CAST: variants seen among roughly 807,000 people sequenced by gnomAD.
The protein encoded by CAST is calpastatin.
CAST carries 76 observed loss-of-function variants against 119.6 expected under a neutral mutation model. The ratio of observed to expected loss-of-function variants is 0.64; its 90% CI spans 0.53 to 0.77. The LOEUF (loss-of-function observed/expected upper bound fraction) is 0.77, where lower values mean the gene tolerates loss of function less well. Ranked by LOEUF, CAST falls within the 30% of genes least tolerant of loss-of-function variation. The pLI is 0.00. For synonymous variants in CAST, 319 were observed against 331.6 expected, an observed-to-expected ratio of 0.96 and a Z score of 0.41; for missense variants, 953 against 946.5, an observed-to-expected ratio of 1.01 and a Z score of -0.09.
At chr5:96,000,619 T>G in the CAST span, among the ~76,000 whole-genome samples, 1 of 152,156 alleles carries the variant, frequency 6.6e-6, no homozygotes, top group South Asian at 2.1e-4. Flanking sequence ...AACACAGGGA[T>G]GTACCAATTC....
chr5:95,990,890 C>T, the CAST span, among the ~76,000 whole-genome samples: 21 of 152,048 alleles, frequency 1.4e-4, no homozygotes, highest in African/African-American at 4.8e-4. Context: ...AGGTGTGAGC[C>T]ACCACACCGA....
chr5:96,108,621 C>A, the CAST span, among the ~76,000 whole-genome samples: 1 of 151,920 alleles, frequency 6.6e-6, no homozygotes, highest in Non-Finnish European at 1.5e-5. Context: ...CCACTGCTCT[C>A]TTCAAAGCTG....
chr5:96,346,085 G>C, the CAST span, among the ~76,000 whole-genome samples: 1 of 152,148 alleles, frequency 6.6e-6, no homozygotes, highest in Admixed American at 6.6e-5. Flanking sequence ...GTTTGCATTT[G>C]GGTGGTGCCA....
At chr5:96,011,044 T>C in the CAST span, among the ~76,000 whole-genome samples, 3 of 152,320 alleles carry the variant, frequency 2.0e-5, no homozygotes. Context: ...ATATTGTCAA[T>C]GAAGAGAGAT....
chr5:96,175,440 A>G, the CAST span, among the ~76,000 whole-genome samples: 2 of 152,254 alleles, frequency 1.3e-5, no homozygotes, highest in Non-Finnish European at 2.9e-5. Context: ...AAAGAACTAA[A>G]TAAGACAAAC....
At chr5:96,643,061 G>T (rs1186677921) in intron 1 of CAST, among the ~76,000 whole-genome samples, 1 of 152,098 alleles carries the variant, frequency 6.6e-6, no homozygotes, top group African/African-American at 2.4e-5. Context: ...GCCTCTCTGG[G>T]CTGTGCTCTT....
At chr5:96,486,470 T>G in the CAST span, among the ~76,000 whole-genome samples, 1,843 of 152,274 alleles carry the variant, frequency 0.012, 47 homozygotes, top group African/African-American at 0.043. Flanking sequence ...ATTGTCTACC[T>G]TAATGAGCAG....
the CAST span, among the ~76,000 whole-genome samples, chr5:96,368,036 A>G: frequency 6.6e-6 from 1 of 152,124 alleles, no homozygotes; most frequent in Admixed American, 6.5e-5. Flanking sequence ...ATTTGATTAT[A>G]TAAGTATCCA....
At chr5:96,489,249 G>A in the CAST span, among the ~76,000 whole-genome samples, 12 of 152,250 alleles carry the variant, frequency 7.9e-5, no homozygotes, top group African/African-American at 2.9e-4. Flanking sequence ...AATTATTTCT[G>A]TTCTGCTTTT....
the CAST span, among the ~76,000 whole-genome samples, chr5:96,106,201 A>AT: frequency 6.6e-6 from 1 of 151,274 alleles, no homozygotes; most frequent in Admixed American, 6.6e-5. Context: ...GGATTCATTA[A>AT]TTTTTTGTGT....
intron 1 of CAST, among the ~76,000 whole-genome samples, chr5:96,588,858 G>A (rs926189953): frequency 1.3e-5 from 2 of 152,102 alleles, no homozygotes; most frequent in African/African-American, 4.8e-5. Context: ...TATAGAAAAA[G>A]CTCCACCTAC....
At chr5:96,433,217 C>T in the CAST span, 1 of 657,680 alleles carries the variant, frequency 1.5e-6, no homozygotes, top group African/African-American at 1.8e-5. Context: ...GCGGCGAGCG[C>T]TCAGTGAAGC....
intron 2 of CAST, 136 bp downstream of exon 2, chr5:96,675,737 G>A: frequency 1.1e-5 from 7 of 615,042 alleles, no homozygotes; most frequent in South Asian, 5.1e-5. Flanking sequence ...ACCAAGATTT[G>A]GTTCAAGAAT....
rs533689852 is a variant in CAST at position 96,676,746 on chromosome 5, T to TC, written c.138+1148dup. ...AAAAAAAACCACAAATTTTTCTTTT[T>TC]CCCAACATGAAAGTCTACCTAGTGT... On this transcript the variant is annotated intron_variant, in intron 2 of 31. Transcript: ENST00000675179. 2.7e-3 allele frequency among the ~76,000 whole-genome samples: 411 copies of TC among 152,050 alleles called. 1 individual carries two copies. Among genetic ancestry groups the TC allele is most frequent in the African/African-American group, 9.5e-3 (393 of 41,492 alleles).
chr5:96,644,781 C>G lies in CAST; in HGVS notation c.61-30758C>G, dbSNP rs556635538. Among the ~76,000 whole-genome samples, 3 of 152,296 alleles carry G rather than the reference C, an allele frequency of 2.0e-5. No homozygotes were observed. In the East Asian group the frequency reaches 5.8e-4, roughly 29 times the overall value. ...TTTGAGGTCAGGAGTTTGAGACCAGCCTGGCCAACATGGTGAAACCCCGTG... is the reference window on the plus strand; with the variant it reads ...TTTGAGGTCAGGAGTTTGAGACCAGGCTGGCCAACATGGTGAAACCCCGTG... On this transcript the variant is annotated intron_variant, in intron 1 of 11. Coordinates refer to the CAST transcript ENST00000505143.
the CAST span, among the ~76,000 whole-genome samples, chr5:96,380,866 G>A: frequency 1.3e-5 from 2 of 152,142 alleles, no homozygotes; most frequent in African/African-American, 4.8e-5. Flanking sequence ...AAAATTACGC[G>A]TGGGTAAAAA....
chr5:96,503,654 C>A, the CAST span, among the ~76,000 whole-genome samples: 1 of 152,146 alleles, frequency 6.6e-6, no homozygotes, highest in Admixed American at 6.5e-5. Flanking sequence ...GTTCAGAAAC[C>A]ATCCGCTTAA....
At chr5:96,328,423 C>G in the CAST span, among the ~76,000 whole-genome samples, 1 of 132,832 alleles carries the variant, frequency 7.5e-6, no homozygotes, top group Non-Finnish European at 1.6e-5. Context: ...CTCTCTCTCT[C>G]TCTCTCTCCT....
At chr5:96,741,461 TGTAA>T (rs745821148) in intron 14 of CAST, 29 bp from the exon 15 acceptor site, 1 of 1,551,084 alleles carries the variant, frequency 6.4e-7, no homozygotes, top group South Asian at 1.1e-5. Flanking sequence ...TTTCCTCATC[TGTAA>T]GTCTAATCTT....
Sources: allele counts gnomAD v4.1 joint callset (sites outside exome capture counted in the v4.1 genomes callset), GRCh38; gene constraint gnomAD v4.1.1; transcripts MANE v1.5; gene names NCBI Gene and HGNC (gene_info 2026-07-23, HGNC 2026-07-21).